Variants in DAB1 observed in about 807,000 individuals in gnomAD.
DAB1 encodes DAB adaptor protein 1, also known as disabled homolog 1.
DAB1 carries 15 observed loss-of-function variants against 64.6 expected under a neutral mutation model. The ratio of observed to expected loss-of-function variants is 0.23; its 90% CI spans 0.16 to 0.36. The LOEUF (loss-of-function observed/expected upper bound fraction) is 0.36. Among genes scored for constraint, DAB1 ranks in the 10% least tolerant of loss-of-function variants. The pLI is 1.00. For synonymous variants in DAB1, 235 were observed against 251.9 expected, an observed-to-expected ratio of 0.93 and a Z score of 0.64; for missense variants, 596 against 706.7, an observed-to-expected ratio of 0.84 and a Z score of 1.78.
chr1:58,462,214 C>G (rs1645250866), intron 3 of DAB1, among the ~76,000 whole-genome samples: 3 of 151,094 alleles, frequency 2.0e-5, no homozygotes, highest in South Asian at 4.2e-4. Context: ...GCAAGCTCCG[C>G]TTCCCGGGTT....
In DAB1 at chr1:57,079,834, G is replaced by A. The variant is rs111248629; in HGVS notation, c.307-7420C>T. On this transcript the variant is annotated intron_variant, in intron 4 of 14. Transcript: ENST00000371236. Reference sequence around the variant, plus strand: ...TTGCAAGTTTCCCTGACCTTCCAGCGCAGACCAGGTTCCCATGACGCAAGT... The same window carrying A: ...TTGCAAGTTTCCCTGACCTTCCAGCACAGACCAGGTTCCCATGACGCAAGT... Among the ~76,000 whole-genome samples the A allele has an allele frequency of 7.6e-3, 1,157 of 152,210 alleles. 21 individuals are homozygous for A. Among genetic ancestry groups the A allele is most frequent in the African/African-American group, 0.026 (1,083 of 41,536 alleles).
chr1:57,728,516 C>A (rs1647276970), intron 6 of DAB1, among the ~76,000 whole-genome samples: 1 of 151,898 alleles, frequency 6.6e-6, no homozygotes, highest in Admixed American at 6.6e-5. Context: ...ATGGCGTGAA[C>A]CCGGGAGGCA....
At chr1:58,296,231 A>T (rs1051333472) in intron 4 of DAB1, among the ~76,000 whole-genome samples, 3 of 151,390 alleles carry the variant, frequency 2.0e-5, no homozygotes, top group Non-Finnish European at 4.4e-5. Flanking sequence ...GAAAGAAAGA[A>T]AGAAAGAAAG....
At chr1:57,318,224 C>T (rs1570262808) in intron 1 of DAB1, among the ~76,000 whole-genome samples, 1 of 151,546 alleles carries the variant, frequency 6.6e-6, no homozygotes, top group Non-Finnish European at 1.5e-5. Flanking sequence ...TTGCATACTC[C>T]CAGATCAGTT....
At chr1:58,421,184 G>A (rs796801945) in intron 3 of DAB1, among the ~76,000 whole-genome samples, 4 of 152,220 alleles carry the variant, frequency 2.6e-5, no homozygotes, top group African/African-American at 7.2e-5. Context: ...CACCATCATC[G>A]TAATGCACCC....
At chr1:57,374,783 G>T (rs976486460) in intron 1 of DAB1, among the ~76,000 whole-genome samples, 1 of 152,140 alleles carries the variant, frequency 6.6e-6, no homozygotes, top group Non-Finnish European at 1.5e-5. Flanking sequence ...GGTGTAATTG[G>T]TCTGAAAATG....
At chr1:57,528,548 A>G (rs1463641839) in intron 7 of DAB1, among the ~76,000 whole-genome samples, 1 of 152,024 alleles carries the variant, frequency 6.6e-6, no homozygotes, top group Non-Finnish European at 1.5e-5. Context: ...AGTGAATTCC[A>G]AGTAGAATAA....
chr1:58,123,594 T>G (rs923707276), intron 5 of DAB1, among the ~76,000 whole-genome samples: 2 of 152,160 alleles, frequency 1.3e-5, no homozygotes, highest in Non-Finnish European at 1.5e-5. Context: ...ATAGAACATA[T>G]AGTTCCCCTT....
At chr1:58,007,035 C>T (rs892551737) in intron 5 of DAB1, among the ~76,000 whole-genome samples, 8 of 152,072 alleles carry the variant, frequency 5.3e-5, no homozygotes, top group African/African-American at 1.9e-4. Flanking sequence ...TTAGCAGCCA[C>T]CATCACAGCT....
chr1:57,627,649 A>G (rs960329113), intron 7 of DAB1, among the ~76,000 whole-genome samples: 3 of 152,234 alleles, frequency 2.0e-5, no homozygotes, highest in Non-Finnish European at 4.4e-5. Flanking sequence ...TGTTGAATGA[A>G]TATTTTTAAT....
At chr1:58,108,213 G>T (rs1160480157) in intron 5 of DAB1, among the ~76,000 whole-genome samples, 1 of 152,166 alleles carries the variant, frequency 6.6e-6, no homozygotes, top group Non-Finnish European at 1.5e-5. Flanking sequence ...TTGAGAATGA[G>T]CCCAAACAGA....
chr1:57,388,279 T>C (rs1013284760), intron 1 of DAB1, among the ~76,000 whole-genome samples: 10 of 152,210 alleles, frequency 6.6e-5, no homozygotes, highest in Non-Finnish European at 1.5e-4. Context: ...TATATGATTC[T>C]TCTATTGACC....
chr1:57,754,950 T>C (rs1648732926), intron 6 of DAB1, among the ~76,000 whole-genome samples: 1 of 152,158 alleles, frequency 6.6e-6, no homozygotes, highest in Non-Finnish European at 1.5e-5. Context: ...AGAGTGACTC[T>C]AGACAAGTTT....
chr1:57,431,394 C>T (rs1241152111), intron 7 of DAB1, among the ~76,000 whole-genome samples: 1 of 152,178 alleles, frequency 6.6e-6, no homozygotes, highest in Non-Finnish European at 1.5e-5. Context: ...TCAGATACTT[C>T]TCTTGTATGC....
intron 8 of DAB1, among the ~76,000 whole-genome samples, chr1:57,066,510 C>T (rs1344354662): frequency 6.6e-6 from 1 of 152,022 alleles, no homozygotes; most frequent in African/African-American, 2.4e-5. Flanking sequence ...ATTAGAAAAA[C>T]CTCGAAAAAA....
At chr1:57,237,672 C>G (rs1570005943) in intron 2 of DAB1, among the ~76,000 whole-genome samples, 1 of 152,154 alleles carries the variant, frequency 6.6e-6, no homozygotes, top group Admixed American at 6.5e-5. Flanking sequence ...TTGAGCCCAT[C>G]AATAGCCTTG....
intron 5 of DAB1, among the ~76,000 whole-genome samples, chr1:58,117,134 A>G (rs1218412511): frequency 6.6e-6 from 1 of 152,218 alleles, no homozygotes; most frequent in Non-Finnish European, 1.5e-5. Context: ...AATGATGAGT[A>G]TCATTTACTA....
At chr1:58,140,612 G>A (rs1449577225) in intron 5 of DAB1, among the ~76,000 whole-genome samples, 1 of 151,748 alleles carries the variant, frequency 6.6e-6, no homozygotes, top group African/African-American at 2.4e-5. Flanking sequence ...TACTCATTTT[G>A]CCCTTCCCTG....
intron 4 of DAB1, among the ~76,000 whole-genome samples, chr1:58,234,744 T>G (rs553133): frequency 0.58 from 87,905 of 152,056 alleles, 26,165 homozygotes; most frequent in Non-Finnish European, 0.67. Flanking sequence ...GGATCAGACT[T>G]CCTGGGCCAG....
Sources: gnomAD v4.1 joint callset for allele counts (sites outside exome capture counted in the v4.1 genomes callset) on GRCh38, gnomAD v4.1.1 for gene constraint, MANE v1.5 for transcripts, NCBI Gene and HGNC (gene_info 2026-07-23, HGNC 2026-07-21) for gene names.